Variants in ZFYVE16 observed in about 807,000 individuals in gnomAD.
The protein encoded by ZFYVE16 is zinc finger FYVE-type containing 16.
A neutral mutation model predicts 138.1 loss-of-function variants in ZFYVE16; 89 were observed. That is an observed-to-expected ratio of 0.64 (90% CI 0.54 to 0.77). The LOEUF (loss-of-function observed/expected upper bound fraction) is 0.77, where lower values mean the gene tolerates loss of function less well. Among genes scored for constraint, ZFYVE16 ranks in the 30% least tolerant of loss-of-function variants. The pLI is 0.00. For missense variants in ZFYVE16, 1,793 were observed against 1,786.7 expected, an observed-to-expected ratio of 1.00 and a Z score of -0.06; for synonymous variants, 596 against 618.3, an observed-to-expected ratio of 0.96 and a Z score of 0.53.
chr5:80,470,982 C>T (rs536645308), intron 15 of ZFYVE16, among the ~76,000 whole-genome samples: 30 of 152,252 alleles, frequency 2.0e-4, no homozygotes, highest in African/African-American at 5.8e-4. Context: ...GCCAACAGCA[C>T]GTGATGTGCT....
chr5:80,437,268 G>C lies in ZFYVE16; in HGVS notation c.583G>C (p.Glu195Gln). 1 of 1,611,542 alleles carries C rather than the reference G, an allele frequency of 6.2e-7. No homozygotes were observed. The highest frequency in any genetic ancestry group is 1.1e-5 in the South Asian group (1 of 90,786). ...VREQQNDISS[E>Q]LQNREIGGIK... ...AGAACAACAGAATGATATCAGTTCTGAATTACAAAATAGAGAAATCGGAGG... is the reference window on the plus strand; with the variant it reads ...AGAACAACAGAATGATATCAGTTCTCAATTACAAAATAGAGAAATCGGAGG... Residue 195 changes from glutamate to glutamine, a missense_variant, in exon 4 of 19, where the codon GAA (glutamate) becomes CAA (glutamine). Around this residue, in one of 2 missense-constraint regions of ZFYVE16, gnomAD observed 1,295 missense variants for 1,204.3 expected, o/e 1.08. Coordinates refer to ENST00000505560, the MANE Select transcript of ZFYVE16 (RefSeq NM_001284236.3).
At chr5:80,408,855 T>C (rs1162051108) in intron 1 of ZFYVE16, among the ~76,000 whole-genome samples, 1 of 152,264 alleles carries the variant, frequency 6.6e-6, no homozygotes, top group Non-Finnish European at 1.5e-5. Context: ...TCTTTTCAAT[T>C]CAAAAAATAG....
chr5:80,456,830 C>A, intron 13 of ZFYVE16, 115 bp from the exon 14 acceptor site: 1 of 1,228,408 alleles, frequency 8.1e-7, no homozygotes, highest in Non-Finnish European at 1.1e-6. Flanking sequence ...TCCCAGGGAG[C>A]TGTCCAGACC....
At chr5:80,425,344 A>G (rs1023672193) in intron 1 of ZFYVE16, among the ~76,000 whole-genome samples, 1 of 151,964 alleles carries the variant, frequency 6.6e-6, no homozygotes, top group African/African-American at 2.4e-5. Flanking sequence ...TTATTTATTT[A>G]TTTGTCTGGA....
Position 80,443,209 on chromosome 5 carries a change from C to G in ZFYVE16, c.2506C>G (p.Gln836Glu). Residue 836 changes from glutamine to glutamate, a missense_variant, in exon 6 of 19, where the codon CAG becomes GAG. Gln to Glu is a conservative substitution (Grantham distance 29). Transcript: ENST00000505560. ...TGAATGTACTACTGTCCAGCCTCCT[C>G]AGGAGAACCAAACATCCAGTATACC... ...SDECTTVQPP[Q>E]ENQTSSIPSP... 1.2e-6 allele frequency: 2 copies of G among 1,611,036 alleles called. No homozygotes were observed.
chr5:80,465,836 G>A (rs1271573456), intron 15 of ZFYVE16, among the ~76,000 whole-genome samples: 2 of 151,954 alleles, frequency 1.3e-5, no homozygotes, highest in Non-Finnish European at 2.9e-5. Flanking sequence ...ATGTGTTTAG[G>A]GGTGGATCCC....
At chr5:80,470,601 T>C (rs991969598) in intron 15 of ZFYVE16, among the ~76,000 whole-genome samples, 1 of 151,898 alleles carries the variant, frequency 6.6e-6, no homozygotes. Flanking sequence ...AGCCTTGAAC[T>C]CCTGGGCTAA....
intron 18 of ZFYVE16, among the ~76,000 whole-genome samples, 177 bp downstream of exon 18, chr5:80,475,007 T>A (rs930667204): frequency 4.4e-4 from 67 of 152,338 alleles, no homozygotes; most frequent in African/African-American, 1.5e-3. Context: ...CAGCAAACTG[T>A]TTTTGCAAAA....
chr5:80,430,171 T>C (rs1053520443), intron 2 of ZFYVE16, among the ~76,000 whole-genome samples: 2 of 152,188 alleles, frequency 1.3e-5, no homozygotes, highest in Non-Finnish European at 2.9e-5. Context: ...TATTCCAAAA[T>C]TGACCACATA....
At chr5:80,441,243 T>G in intron 5 of ZFYVE16, 1 of 985,446 alleles carries the variant, frequency 1.0e-6, no homozygotes, top group Non-Finnish European at 1.2e-6. Flanking sequence ...GTTATTTATG[T>G]TGACAGGTCA....
intron 14 of ZFYVE16, among the ~76,000 whole-genome samples, chr5:80,459,128 A>G (rs1752835835): frequency 6.6e-6 from 1 of 152,150 alleles, no homozygotes; most frequent in African/African-American, 2.4e-5. Flanking sequence ...AGGTTTCACC[A>G]TGTTGGCCAG....
rs1463942762 is a variant in ZFYVE16 at position 80,432,870 on chromosome 5, T to C, written c.-39-1239T>C. 3.9e-5 allele frequency among the ~76,000 whole-genome samples: 6 copies of C among 152,136 alleles called. No individual in the cohort carries two copies. In the South Asian group the frequency reaches 8.3e-4, roughly 21 times the overall value. Reference sequence around the variant, plus strand: ...TCATCATCACTGGCCATCAGAGAAATGCAGATCAAAACCACAATGAGATAC... The same window carrying C: ...TCATCATCACTGGCCATCAGAGAAACGCAGATCAAAACCACAATGAGATAC... On this transcript the variant is annotated intron_variant, in intron 2 of 18. Transcript: ENST00000505560.
At position 80,438,718 on chromosome 5, in the gene ZFYVE16, C is replaced by G; in HGVS notation, c.2033C>G (p.Pro678Arg). 1 of 1,614,082 alleles carries G rather than the reference C, an allele frequency of 6.2e-7. No homozygotes were observed. The highest frequency in any genetic ancestry group is 8.5e-7 in the Non-Finnish European group (1 of 1,179,982). Reference sequence around the variant, plus strand: ...GTTCCAGATACAATAGAAAGTGAACCCAGCACAGCAGATACCGTTGTTCCA... The same window carrying G: ...GTTCCAGATACAATAGAAAGTGAACGCAGCACAGCAGATACCGTTGTTCCA... ...PDVPDTIESE[P>R]STADTVVPIT... is the part of the protein sequence containing the mutation. The change falls in exon 4 of 19, where the codon CCC (proline) becomes CGC (arginine). Residue 678 changes from proline to arginine, a missense_variant. Physicochemically the swap from Pro to Arg is moderately radical, Grantham distance 103 (BLOSUM62 -2). Around this residue, in one of 2 missense-constraint regions of ZFYVE16, gnomAD observed 1,295 missense variants for 1,204.3 expected, o/e 1.08. Coordinates refer to ENST00000505560, the MANE Select transcript of ZFYVE16 (RefSeq NM_001284236.3).
Position 80,445,317 on chromosome 5 carries a change from AT to A in ZFYVE16, c.2637del (p.Asn879LysfsTer30), listed in dbSNP as rs1561290586. 6.2e-7 allele frequency: 1 copy of A among 1,614,044 alleles called. No individual in the cohort carries two copies. Among genetic ancestry groups the A allele is most frequent in the East Asian group, 2.2e-5 (1 of 44,834 alleles). ...TGGTTTGCAGATGGTATATTGCCCA[AT>A]GGTGAAGTTGCAGATACAACAAAAT... ...RVWFADGILP[N>X]GEVADTTKLS... is the part of the protein sequence containing the mutation. On this transcript the variant is annotated frameshift_variant, in exon 7 of 19. Coordinates refer to ENST00000505560, the MANE Select transcript of ZFYVE16 (RefSeq NM_001284236.3). LOFTEE classifies it high-confidence loss of function.
rs1022765678 is a variant in ZFYVE16, at chr5:80,482,091, G to T, written c.*4714G>T. 4.6e-5 allele frequency among the ~76,000 whole-genome samples: 7 copies of T among 152,180 alleles called. No homozygotes were observed. The highest frequency in any genetic ancestry group is 1.0e-4 in the Non-Finnish European group (7 of 68,044). Reference sequence around the variant, plus strand: ...CTGCCTGGGCCTCCCAAAGTGCTGGGATTACAGGCATAAGCCAGCACACCT... The same window carrying T: ...CTGCCTGGGCCTCCCAAAGTGCTGGTATTACAGGCATAAGCCAGCACACCT... On this transcript the variant is annotated 3_prime_UTR_variant, in exon 19 of 19. Coordinates refer to ENST00000505560, the MANE Select transcript of ZFYVE16 (RefSeq NM_001284236.3).
intron 2 of ZFYVE16, among the ~76,000 whole-genome samples, chr5:80,429,571 A>G (rs965064818): frequency 7.2e-5 from 11 of 152,350 alleles, no homozygotes; most frequent in African/African-American, 2.6e-4. Flanking sequence ...AGCTAACGTC[A>G]TAATGACAGG....
At chr5:80,417,678 T>C (rs1746465765) in intron 1 of ZFYVE16, among the ~76,000 whole-genome samples, 1 of 152,244 alleles carries the variant, frequency 6.6e-6, no homozygotes. Context: ...CTGAATAATA[T>C]TCCATTGGAT....
chr5:80,432,500 C>T (rs950863409), intron 2 of ZFYVE16, among the ~76,000 whole-genome samples: 1 of 152,130 alleles, frequency 6.6e-6, no homozygotes, highest in Non-Finnish European at 1.5e-5. Flanking sequence ...AAAACCTAGG[C>T]AATACCATTC....
chr5:80,438,738 G>A lies in ZFYVE16; in HGVS notation c.2053G>A (p.Val685Ile), dbSNP rs755326983. 15 of 1,614,018 alleles carry A rather than the reference G, an allele frequency of 9.3e-6. No individual in the cohort carries two copies. The highest frequency in any genetic ancestry group is 1.7e-5 in the Admixed American group (1 of 59,994). The change falls in exon 4 of 19, where the codon GTT (valine) becomes ATT (isoleucine). Residue 685 changes from valine (V) to isoleucine (I), a missense_variant. Coordinates refer to ENST00000505560, the MANE Select transcript of ZFYVE16 (RefSeq NM_001284236.3). ...TGAACCCAGCACAGCAGATACCGTT[G>A]TTCCAATCACTTGTGCTATAGATTC... is the stretch of plus-strand genomic sequence containing the variant. ...ESEPSTADTV[V>I]PITCAIDSTA...
Sources: allele counts gnomAD v4.1 joint callset (sites outside exome capture counted in the v4.1 genomes callset), GRCh38; gene constraint gnomAD v4.1.1; regional missense constraint gnomAD v4.1.1; transcripts MANE v1.5; gene names NCBI Gene and HGNC (gene_info 2026-07-23, HGNC 2026-07-21).